The following CSMD1 variants were observed in gnomAD, a reference collection of about 807,000 sequenced individuals.
CSMD1 encodes the protein CUB and sushi domain-containing protein 1.
In CSMD1, 213 loss-of-function variants were observed where a neutral mutation model predicts 417.5. The observed-to-expected ratio is 0.51, with a 90% CI of 0.46 to 0.57. The LOEUF (loss-of-function observed/expected upper bound fraction) is 0.57, where lower values mean the gene tolerates loss of function less well. Among genes scored for constraint, CSMD1 ranks in the 20% least tolerant of loss-of-function variants. The probability of loss-of-function intolerance (pLI) is 0.00; values close to 1 mark genes in which losing one functional copy is unlikely to be tolerated. For missense variants in CSMD1, 6,923 were observed against 4,529.7 expected, an observed-to-expected ratio of 1.53 and a Z score of -15.17; for synonymous variants, 2,862 against 1,736.8, an observed-to-expected ratio of 1.65 and a Z score of -16.11.
chr8:3,207,623 G>C (rs1400480357), intron 30 of CSMD1, among the ~76,000 whole-genome samples: 4 of 152,116 alleles, frequency 2.6e-5, no homozygotes, highest in Non-Finnish European at 5.9e-5. Context: ...GATTAGTCAA[G>C]AAATTTCCTG....
At chr8:3,315,430 T>G (rs1805677148) in intron 23 of CSMD1, among the ~76,000 whole-genome samples, 1 of 71,540 alleles carries the variant, frequency 1.4e-5, no homozygotes, top group Non-Finnish European at 3.1e-5. Flanking sequence ...AAATTCTAGG[T>G]GAAGTGAGTG....
intron 7 of CSMD1, among the ~76,000 whole-genome samples, chr8:3,681,385 T>A (rs1265493966): frequency 6.6e-6 from 1 of 152,156 alleles, no homozygotes; most frequent in African/African-American, 2.4e-5. Flanking sequence ...AGCATTCTTA[T>A]ACACCAATAA....
intron 1 of CSMD1, among the ~76,000 whole-genome samples, chr8:4,753,203 G>A (rs996765666): frequency 6.6e-6 from 1 of 152,022 alleles, no homozygotes; most frequent in Non-Finnish European, 1.5e-5. Context: ...TAAGGCCCGG[G>A]TCCCCATGAT....
intron 1 of CSMD1, among the ~76,000 whole-genome samples, chr8:4,942,017 T>A (rs1470784465): frequency 6.6e-6 from 1 of 152,210 alleles, no homozygotes; most frequent in Non-Finnish European, 1.5e-5. Flanking sequence ...ATTACAGTCT[T>A]CAAAATTACC....
chr8:3,961,103 A>G (rs1391136982), intron 5 of CSMD1, among the ~76,000 whole-genome samples: 1 of 152,204 alleles, frequency 6.6e-6, no homozygotes, highest in East Asian at 1.9e-4. Context: ...CAAAGTCTCC[A>G]AGAAGCTAAT....
intron 3 of CSMD1, among the ~76,000 whole-genome samples, chr8:4,300,188 C>T (rs575163766): frequency 4.4e-4 from 67 of 152,240 alleles, no homozygotes; most frequent in South Asian, 8.3e-4. Context: ...TTCCTTTTTG[C>T]CTATCTCACA....
At chr8:4,896,637 C>T (rs940365703) in intron 1 of CSMD1, among the ~76,000 whole-genome samples, 4 of 152,134 alleles carry the variant, frequency 2.6e-5, no homozygotes, top group Non-Finnish European at 5.9e-5. Context: ...ACAGAAACCA[C>T]TGCAAGTATT....
chr8:3,768,907 A>G (rs879267692), intron 5 of CSMD1, among the ~76,000 whole-genome samples: 1 of 152,240 alleles, frequency 6.6e-6, no homozygotes, highest in Non-Finnish European at 1.5e-5. Context: ...AGGAGGGTCT[A>G]CTTAGCACTC....
Position 4,366,922 on chromosome 8 carries a change from T to C in CSMD1, c.415+53031A>G, listed in dbSNP as rs142371186. 7.6e-3 allele frequency among the ~76,000 whole-genome samples: 1,155 copies of C among 152,206 alleles called. 10 individuals carry two copies. Among genetic ancestry groups the C allele is most frequent in the African/African-American group, 0.026 (1,099 of 41,532 alleles). On this transcript the variant is annotated intron_variant, in intron 3 of 69. Transcript: ENST00000635120. ...TTTTTCGTTTGCTGATTTGTCTAAG[T>C]TCCCTACAGATTCTTGATATTACAC...
intron 7 of CSMD1, among the ~76,000 whole-genome samples, chr8:3,668,695 G>A (rs1260033611): frequency 6.6e-6 from 1 of 152,130 alleles, no homozygotes; most frequent in African/African-American, 2.4e-5. Context: ...AGGAGTCGAA[G>A]TCTAGACACA....
At chr8:3,990,844 G>C (rs975768703) in intron 5 of CSMD1, among the ~76,000 whole-genome samples, 1 of 152,158 alleles carries the variant, frequency 6.6e-6, no homozygotes, top group African/African-American at 2.4e-5. Flanking sequence ...GTGAATCAGA[G>C]AGTGCAGCTG....
intron 5 of CSMD1, among the ~76,000 whole-genome samples, chr8:3,985,689 C>T (rs1814270116): frequency 6.6e-6 from 1 of 151,946 alleles, no homozygotes; most frequent in Non-Finnish European, 1.5e-5. Flanking sequence ...TTACAACCTC[C>T]AAGAATCAAG....
chr8:4,726,832 A>T (rs1453196786), intron 1 of CSMD1, among the ~76,000 whole-genome samples: 1 of 152,236 alleles, frequency 6.6e-6, no homozygotes, highest in Non-Finnish European at 1.5e-5. Flanking sequence ...AATTGACCTG[A>T]AGATGCAAAT....
At chr8:4,315,847 A>C (rs908860461) in intron 3 of CSMD1, among the ~76,000 whole-genome samples, 3 of 152,182 alleles carry the variant, frequency 2.0e-5, no homozygotes, top group African/African-American at 7.2e-5. Flanking sequence ...AATTTGTTTC[A>C]TATTATATTC....
intron 26 of CSMD1, among the ~76,000 whole-genome samples, chr8:3,279,797 C>G (rs1275690918): frequency 1.3e-5 from 2 of 152,042 alleles, no homozygotes; most frequent in Non-Finnish European, 1.5e-5. Flanking sequence ...AAATGCCAGA[C>G]CCTTATAAAA....
At chr8:3,360,819 C>G (rs1809110094) in intron 20 of CSMD1, among the ~76,000 whole-genome samples, 1 of 151,756 alleles carries the variant, frequency 6.6e-6, no homozygotes, top group Non-Finnish European at 1.5e-5. Flanking sequence ...TCCAACTGAT[C>G]CTTTTCCCCT....
chr8:4,135,607 T>G (rs972915472), intron 3 of CSMD1, among the ~76,000 whole-genome samples: 1 of 152,152 alleles, frequency 6.6e-6, no homozygotes, highest in Non-Finnish European at 1.5e-5. Context: ...GAGGAAAATT[T>G]AGTTTGCACT....
Position 4,031,892 on chromosome 8 carries a change from T to A in CSMD1, c.610+13A>T, listed in dbSNP as rs762496534. Reference sequence around the variant, plus strand: ...CCTGGAGTCTGCTCACCAGCCCCCTTGTAGCACTGTACCTCTGCAAAAGGG... The same window carrying A: ...CCTGGAGTCTGCTCACCAGCCCCCTAGTAGCACTGTACCTCTGCAAAAGGG... On this transcript the variant is annotated intron_variant, in intron 4 of 69. Coordinates refer to ENST00000635120, the MANE Select transcript of CSMD1 (RefSeq NM_033225.6). 4 of 1,605,452 alleles carry A rather than the reference T, an allele frequency of 2.5e-6. No individual in the cohort carries two copies. In the South Asian group the frequency reaches 4.4e-5, roughly 18 times the overall value.
rs1294743651 is a variant in CSMD1 at position 4,950,840 on chromosome 8, A to G, written c.85+43492T>C. ...TGGTGACCATTAGGAGCACCACTCA[A>G]CCACTCTTGGTGTACCCTACCTTGG... is the stretch of plus-strand genomic sequence containing the variant. On this transcript the variant is annotated intron_variant, in intron 1 of 69. Coordinates refer to ENST00000635120, the MANE Select transcript of CSMD1 (RefSeq NM_033225.6). Among the ~76,000 whole-genome samples the G allele has an allele frequency of 2.0e-5, 3 of 152,106 alleles. No homozygotes were observed. In the East Asian group the frequency reaches 5.8e-4, roughly 29 times the overall value.
Sources: allele counts gnomAD v4.1 joint callset (sites outside exome capture counted in the v4.1 genomes callset), GRCh38; gene constraint gnomAD v4.1.1; transcripts MANE v1.5; gene names NCBI Gene and HGNC (gene_info 2026-07-23, HGNC 2026-07-21).